The following MSH4 variants were observed in gnomAD, a reference collection of about 807,000 sequenced individuals.
The protein encoded by MSH4 is mutS homolog 4.
MSH4 carries 106 observed loss-of-function variants against 113.7 expected under a neutral mutation model. That is an observed-to-expected ratio of 0.93 (90% CI 0.80 to 1.10). The LOEUF (loss-of-function observed/expected upper bound fraction) is 1.10, where lower values mean the gene tolerates loss of function less well. MSH4 is among the 50% of genes least tolerant of loss of function. The pLI is 0.00. For synonymous variants in MSH4, 368 were observed against 380.2 expected (o/e 0.97, Z 0.37); for missense variants, 1,061 against 1,093.7 (o/e 0.97, Z 0.42).
intron 8 of MSH4, among the ~76,000 whole-genome samples, chr1:75,860,213 T>A (rs1398888579): frequency 6.6e-6 from 1 of 152,198 alleles, no homozygotes; most frequent in Non-Finnish European, 1.5e-5. Context: ...TCACTGTTTA[T>A]CCAACTTGCC....
intron 7 of MSH4, among the ~76,000 whole-genome samples, chr1:75,823,755 C>T (rs1007393560): frequency 2.6e-5 from 4 of 152,116 alleles, no homozygotes; most frequent in African/African-American, 9.7e-5. Flanking sequence ...CATTAGTTTG[C>T]TGAGGATGAC....
rs369678148 is a variant in MSH4, at chr1:75,820,842, C to G, written c.990-1567C>G. On this transcript the variant is annotated intron_variant, in intron 6 of 19. Coordinates refer to ENST00000263187, the MANE Select transcript of MSH4 (RefSeq NM_002440.4). Reference sequence around the variant, plus strand: ...CATAATGGTAAAGGGATCAATTCAACAAGAAGAGCTAACTATCCTAAATAT... The same window carrying G: ...CATAATGGTAAAGGGATCAATTCAAGAAGAAGAGCTAACTATCCTAAATAT... 1.1e-4 allele frequency among the ~76,000 whole-genome samples: 16 copies of G among 151,974 alleles called. No individual in the cohort carries two copies. In the East Asian group the frequency reaches 1.4e-3, roughly 13 times the overall value.
intron 7 of MSH4, among the ~76,000 whole-genome samples, chr1:75,822,811 G>GT (rs146516918): frequency 0.26 from 38,613 of 149,766 alleles, 5,214 homozygotes; most frequent in Middle Eastern, 0.33. Flanking sequence ...ATTTTTTTCT[G>GT]TTTTTTTTTG....
At chr1:75,799,118 T>A (rs557676834) in intron 1 of MSH4, among the ~76,000 whole-genome samples, 1 of 152,192 alleles carries the variant, frequency 6.6e-6, no homozygotes. Context: ...GCAACATGAA[T>A]GTTCACATTG....
intron 8 of MSH4, among the ~76,000 whole-genome samples, chr1:75,855,843 C>T (rs574434361): frequency 3.6e-4 from 55 of 152,264 alleles, no homozygotes; most frequent in African/African-American, 1.3e-3. Context: ...GGAGGGAACA[C>T]AATTCAACCT....
At chr1:75,820,456 T>C (rs1650385778) in intron 6 of MSH4, among the ~76,000 whole-genome samples, 1 of 152,192 alleles carries the variant, frequency 6.6e-6, no homozygotes, top group Non-Finnish European at 1.5e-5. Context: ...TCCTGGACAT[T>C]TTTTGGTTGG....
chr1:75,801,620 T>C (rs1649938214), intron 1 of MSH4, among the ~76,000 whole-genome samples: 1 of 150,496 alleles, frequency 6.6e-6, no homozygotes, highest in Admixed American at 6.6e-5. Flanking sequence ...ATGCTTGTAA[T>C]CTCAGTGCTT....
At chr1:75,829,937 A>G (rs1046687087) in intron 7 of MSH4, among the ~76,000 whole-genome samples, 5 of 152,178 alleles carry the variant, frequency 3.3e-5, no homozygotes, top group African/African-American at 4.8e-5. Context: ...TGGAAGGAGA[A>G]TGACATTGAT....
rs187618824 is a variant in MSH4 at position 75,835,272 on chromosome 1, C to G, written c.1162+12691C>G. Among the ~76,000 whole-genome samples the G allele has an allele frequency of 3.8e-3, 578 of 152,254 alleles. 10 individuals are homozygous for G. Among genetic ancestry groups the G allele is most frequent in the Non-Finnish European group, 8.7e-4 (59 of 68,028 alleles). On this transcript the variant is annotated intron_variant, in intron 7 of 19. Coordinates refer to ENST00000263187, the MANE Select transcript of MSH4 (RefSeq NM_002440.4). ...TGGTATTATATTGACTGTGACTCTG[C>G]CTGTCCAATGTTGTCCAGTATATTC...
intron 6 of MSH4, among the ~76,000 whole-genome samples, chr1:75,817,661 G>A (rs912830379): frequency 2.6e-5 from 4 of 152,124 alleles, no homozygotes; most frequent in African/African-American, 4.8e-5. Context: ...GATATTCTAC[G>A]TACTGAACTA....
intron 15 of MSH4, among the ~76,000 whole-genome samples, chr1:75,887,135 A>T (rs1031787787): frequency 6.6e-6 from 1 of 151,954 alleles, no homozygotes; most frequent in African/African-American, 2.4e-5. Flanking sequence ...CTCACCTTGA[A>T]TTGTAATCCC....
At chr1:75,806,510 G>A (rs1650071508) in intron 2 of MSH4, among the ~76,000 whole-genome samples, 1 of 152,024 alleles carries the variant, frequency 6.6e-6, no homozygotes, top group Non-Finnish European at 1.5e-5. Flanking sequence ...GCCTCCCAAA[G>A]TGCTGGGATT....
At chr1:75,814,976 G>A (rs368243136) in intron 4 of MSH4, 45 bp from the exon 5 acceptor site, 8 of 1,151,614 alleles carry the variant, frequency 6.9e-6, no homozygotes, top group East Asian at 4.8e-5. Context: ...TTGGGCAAGC[G>A]CATGGCACTT....
rs1650081307 is a variant in MSH4, at chr1:75,806,964, T to C, written c.428-17T>C. On this transcript the variant is annotated splice_polypyrimidine_tract_variant and intron_variant, in intron 2 of 19. Coordinates refer to ENST00000263187, the MANE Select transcript of MSH4 (RefSeq NM_002440.4). ...ATTATCAATGTTTATATCTTTTCTTTATTTAAAAATTTACAGCTTCATCCT... is the reference window on the plus strand; with the variant it reads ...ATTATCAATGTTTATATCTTTTCTTCATTTAAAAATTTACAGCTTCATCCT... The C allele has an allele frequency of 6.5e-7, 1 of 1,545,164 alleles. No individual in the cohort carries two copies. The highest frequency in any genetic ancestry group is 1.4e-5 in the African/African-American group (1 of 70,132).
chr1:75,887,048 C>T lies in MSH4; in HGVS notation c.2108-2203C>T, dbSNP rs370401293. Among the ~76,000 whole-genome samples, 13 of 151,926 alleles carry T rather than the reference C, an allele frequency of 8.6e-5. 1 individual carries two copies. The South Asian group carries it at 2.7e-3, about 31-fold the overall frequency. On this transcript the variant is annotated intron_variant, in intron 15 of 19. Coordinates refer to ENST00000263187, the MANE Select transcript of MSH4 (RefSeq NM_002440.4). ...TCAGGCTCAAAGACTTGCCCAAGAT[C>T]ACCCAGTATAAATCCTTTACCTTAG...
intron 17 of MSH4, among the ~76,000 whole-genome samples, chr1:75,893,739 G>A (rs1235183405): frequency 2.0e-5 from 3 of 152,194 alleles, no homozygotes; most frequent in African/African-American, 7.2e-5. Context: ...GAAATCCATG[G>A]AACATGCATG....
intron 7 of MSH4, among the ~76,000 whole-genome samples, chr1:75,823,829 G>A (rs151073147): frequency 2.0e-5 from 3 of 152,280 alleles, no homozygotes; most frequent in African/African-American, 7.2e-5. Context: ...TGGCTGCATA[G>A]TATTCCATGG....
intron 8 of MSH4, 129 bp downstream of exon 8, chr1:75,848,405 A>G: frequency 1.4e-6 from 1 of 701,344 alleles, no homozygotes; most frequent in South Asian, 1.9e-5. Context: ...TATCTGGAGT[A>G]TTTTATGCCA....
At chr1:75,827,282 A>G (rs1230149729) in intron 7 of MSH4, among the ~76,000 whole-genome samples, 1 of 152,178 alleles carries the variant, frequency 6.6e-6, no homozygotes, top group Admixed American at 6.6e-5. Flanking sequence ...CAGACAAGCA[A>G]ATGCTGAGGG....
Sources: gnomAD v4.1 joint callset for allele counts (sites outside exome capture counted in the v4.1 genomes callset) on GRCh38, gnomAD v4.1.1 for gene constraint, MANE v1.5 for transcripts, NCBI Gene and HGNC (gene_info 2026-07-23, HGNC 2026-07-21) for gene names.